The following SRD5A2 variants were observed in gnomAD, a reference collection of about 807,000 sequenced individuals.
SRD5A2 encodes steroid 5 alpha-reductase 2, also known as 3-oxo-5-alpha-steroid 4-dehydrogenase 2.
Under a neutral mutation model 27.4 loss-of-function variants are expected in SRD5A2, and 30 were observed. That is an observed-to-expected ratio of 1.10 (90% CI 0.82 to 1.49). The LOEUF is 1.49. Among genes scored for constraint, SRD5A2 ranks in the 40% most tolerant of loss-of-function variants. SRD5A2 has a pLI of 0.00. For missense variants in SRD5A2, 348 were observed against 323.4 expected, an observed-to-expected ratio of 1.08 and a Z score of -0.58; for synonymous variants, 141 against 133.6, an observed-to-expected ratio of 1.06 and a Z score of -0.38.
chr2:31,652,362 G>C, the SRD5A2 span, among the ~76,000 whole-genome samples: 1 of 152,066 alleles, frequency 6.6e-6, no homozygotes, highest in African/African-American at 2.4e-5. Context: ...GGTGAATTTT[G>C]CAAGGACATG....
chr2:31,551,658 T>A (rs1171991624), intron 1 of SRD5A2, among the ~76,000 whole-genome samples: 2 of 152,204 alleles, frequency 1.3e-5, no homozygotes, highest in Non-Finnish European at 2.9e-5. Flanking sequence ...TTTGCTTTCA[T>A]ACCTTCATAT....
the SRD5A2 span, among the ~76,000 whole-genome samples, chr2:31,606,177 T>C: frequency 4.0e-5 from 6 of 151,650 alleles, no homozygotes; most frequent in Admixed American, 1.3e-4. Flanking sequence ...GGAAAGGAGA[T>C]AGGTTAATGG....
intron 1 of SRD5A2, among the ~76,000 whole-genome samples, chr2:31,574,206 CA>C (rs1666907929): frequency 6.6e-6 from 1 of 152,190 alleles, no homozygotes; most frequent in African/African-American, 2.4e-5. Context: ...GAGTGAGAAG[CA>C]CACAATGAAG....
upstream of SRD5A2, among the ~76,000 whole-genome samples, chr2:31,583,651 C>CAAAAAAAAAAAAA (rs1558379512): frequency 7.1e-4 from 47 of 66,520 alleles, 1 homozygote; most frequent in African/African-American, 2.8e-3. Flanking sequence ...AAAAAAAAAA[C>CAAAAAAAAAAAAA]CAAAAAAAAA....
chr2:31,624,462 C>T, the SRD5A2 span, among the ~76,000 whole-genome samples: 5 of 151,960 alleles, frequency 3.3e-5, no homozygotes, highest in Admixed American at 2.6e-4. Context: ...GTGCTGCACT[C>T]ATTAACTCAT....
At chr2:31,632,193 A>T in the SRD5A2 span, among the ~76,000 whole-genome samples, 7 of 152,148 alleles carry the variant, frequency 4.6e-5, no homozygotes, top group Non-Finnish European at 8.8e-5. Context: ...GGTTTTTTAT[A>T]ATAGAGATCA....
intron 1 of SRD5A2, among the ~76,000 whole-genome samples, chr2:31,535,165 G>A (rs1419294105): frequency 5.3e-5 from 8 of 151,992 alleles, no homozygotes; most frequent in Non-Finnish European, 1.2e-4. Flanking sequence ...GGGACTACAG[G>A]CACCTGCCAC....
At chr2:31,566,590 A>G (rs1666733907) in intron 1 of SRD5A2, among the ~76,000 whole-genome samples, 2 of 152,204 alleles carry the variant, frequency 1.3e-5, no homozygotes, top group Non-Finnish European at 2.9e-5. Context: ...GCCAGGTAAC[A>G]TGATTGCATG....
chr2:31,602,125 T>C, the SRD5A2 span, among the ~76,000 whole-genome samples: 2 of 151,630 alleles, frequency 1.3e-5, no homozygotes, highest in African/African-American at 4.8e-5. Context: ...TCACTTAAAC[T>C]TTGTTTGCAG....
chr2:31,558,053 A>G (rs2148085706), intron 1 of SRD5A2, among the ~76,000 whole-genome samples: 1 of 152,294 alleles, frequency 6.6e-6, no homozygotes, highest in Non-Finnish European at 1.5e-5. Flanking sequence ...TTAGCCATGG[A>G]GCATTTTCTT....
intron 1 of SRD5A2, among the ~76,000 whole-genome samples, chr2:31,565,788 A>G (rs1003025396): frequency 3.4e-4 from 51 of 152,016 alleles, no homozygotes; most frequent in African/African-American, 1.2e-3. Flanking sequence ...TCTCTCAATA[A>G]CTGGTAGAAT....
intron 1 of SRD5A2, among the ~76,000 whole-genome samples, chr2:31,563,979 A>G (rs535244691): frequency 7.2e-5 from 11 of 152,220 alleles, no homozygotes; most frequent in Admixed American, 3.3e-4. Flanking sequence ...AAGCTCAAGA[A>G]TATTTATAGA....
chr2:31,547,133 A>G (rs1650384155), intron 1 of SRD5A2, among the ~76,000 whole-genome samples: 1 of 152,162 alleles, frequency 6.6e-6, no homozygotes, highest in African/African-American at 2.4e-5. Context: ...AAATAAAAAT[A>G]AAAGTCTAAA....
chr2:31,572,486 G>C (rs886194901), intron 1 of SRD5A2, among the ~76,000 whole-genome samples: 1 of 152,096 alleles, frequency 6.6e-6, no homozygotes, highest in African/African-American at 2.4e-5. Flanking sequence ...ACAGTTAAGA[G>C]AATAAAAGAG....
chr2:31,568,333 T>C (rs1441688444), intron 1 of SRD5A2, among the ~76,000 whole-genome samples: 1 of 152,192 alleles, frequency 6.6e-6, no homozygotes, highest in Non-Finnish European at 1.5e-5. Context: ...AGGTCCTGAT[T>C]TCTTGTCCCG....
chr2:31,593,070 T>C, the SRD5A2 span, among the ~76,000 whole-genome samples: 2 of 151,228 alleles, frequency 1.3e-5, no homozygotes, highest in Non-Finnish European at 2.9e-5. Flanking sequence ...TGAGAACACA[T>C]GGACACAGGA....
chr2:31,545,388 T>C (rs1428822297), intron 1 of SRD5A2, among the ~76,000 whole-genome samples: 1 of 152,114 alleles, frequency 6.6e-6, no homozygotes, highest in African/African-American at 2.4e-5. Context: ...CATGATCAAG[T>C]AAGACTTAAT....
chr2:31,626,060 T>G, the SRD5A2 span, among the ~76,000 whole-genome samples: 1 of 152,198 alleles, frequency 6.6e-6, no homozygotes, highest in Non-Finnish European at 1.5e-5. Flanking sequence ...GTAGTTCTCC[T>G]TGAAGAAGTT....
upstream of SRD5A2, among the ~76,000 whole-genome samples, chr2:31,584,023 C>G (rs77929608): frequency 0.05 from 7,633 of 152,192 alleles, 429 homozygotes; most frequent in African/African-American, 0.14. Flanking sequence ...CTCTGGGGTA[C>G]AGCGGCTGTC....
Sources: allele counts gnomAD v4.1 joint callset (sites outside exome capture counted in the v4.1 genomes callset), GRCh38; gene constraint gnomAD v4.1.1; transcripts MANE v1.5; gene names NCBI Gene and HGNC (gene_info 2026-07-23, HGNC 2026-07-21).